UTRN: variants seen among roughly 807,000 people sequenced by gnomAD.
UTRN encodes utrophin, also known as dystrophin-related protein 1.
In UTRN, 283 loss-of-function variants were observed where a neutral mutation model predicts 463.9. The observed-to-expected ratio is 0.61, with a 90% CI of 0.55 to 0.67. UTRN has a LOEUF of 0.67. Among genes scored for constraint, UTRN ranks in the 30% least tolerant of loss-of-function variants. The pLI is 0.00. For synonymous variants in UTRN, 1,442 were observed against 1,431.5 expected, an observed-to-expected ratio of 1.01 and a Z score of -0.17; for missense variants, 3,922 against 4,084.3, an observed-to-expected ratio of 0.96 and a Z score of 1.08.
At chr6:144,323,842 C>G (rs1215168757) in intron 2 of UTRN, among the ~76,000 whole-genome samples, 1 of 152,206 alleles carries the variant, frequency 6.6e-6, no homozygotes, top group Non-Finnish European at 1.5e-5. Context: ...GCTGGAAAAT[C>G]TTACCTTTAT....
At position 144,462,698 on chromosome 6, in the gene UTRN, A is replaced by T. The variant is rs1323922390; in HGVS notation, c.2898A>T (p.Lys966Asn). Residue 966 changes from lysine to asparagine, a missense_variant, in exon 23 of 75, where the codon AAA becomes AAT. Transcript: ENST00000367545. ...ILENQKPALH[K>N]LAEETKALEK... ...AGAATCAGAAACCTGCATTACATAA[A>T]CTTGCAGAAGAAACAAAGGCTCTGG... is the stretch of plus-strand genomic sequence containing the variant. The T allele has an allele frequency of 6.2e-7, 1 of 1,607,318 alleles. No homozygotes were observed. The highest frequency in any genetic ancestry group is 1.3e-5 in the African/African-American group (1 of 74,444).
At chr6:144,811,466 A>G (rs1778605306) in intron 65 of UTRN, among the ~76,000 whole-genome samples, 1 of 152,146 alleles carries the variant, frequency 6.6e-6, no homozygotes, top group South Asian at 2.1e-4. Context: ...TTTTACCAGT[A>G]GGTCCAGTGC....
At chr6:144,794,826 T>C (rs1777069385) in intron 63 of UTRN, among the ~76,000 whole-genome samples, 1 of 152,218 alleles carries the variant, frequency 6.6e-6, no homozygotes, top group Non-Finnish European at 1.5e-5. Context: ...TCTTGCTGTT[T>C]CCTCATATGA....
intron 2 of UTRN, among the ~76,000 whole-genome samples, chr6:144,311,338 G>T (rs1265825272): frequency 6.6e-6 from 1 of 152,192 alleles, no homozygotes; most frequent in Non-Finnish European, 1.5e-5. Context: ...AGCAGAGTTT[G>T]GGGGGTGGGA....
At chr6:144,326,013 T>C (rs530268162) in intron 2 of UTRN, among the ~76,000 whole-genome samples, 282 of 146,004 alleles carry the variant, frequency 1.9e-3, no homozygotes, top group Non-Finnish European at 2.8e-3. Flanking sequence ...AATGTCTGAC[T>C]TGCAATCAGG....
At position 144,421,957 on chromosome 6, in the gene UTRN, C is replaced by T. The variant is rs767250054; in HGVS notation, c.221C>T (p.Thr74Ile). 6.2e-7 allele frequency: 1 copy of T among 1,611,170 alleles called. No homozygotes were observed. The highest frequency in any genetic ancestry group is 1.1e-5 in the South Asian group (1 of 90,598). The stretch of plus-strand genomic sequence containing the variant: ...CTATTGGATCTTCTAGAAGGCCTCA[C>T]AGGAACATCACTGGTGAGCAAGTCA... ...RKLLDLLEGL[T>I]GTSLPKERGS... Residue 74 changes from threonine to isoleucine, a missense_variant, in exon 4 of 75, where the codon ACA (threonine) becomes ATA (isoleucine). Physicochemically the swap from Thr to Ile is moderately conservative, Grantham distance 89. Coordinates refer to ENST00000367545, the MANE Select transcript of UTRN (RefSeq NM_007124.3).
rs1402095374 is a variant in UTRN, at chr6:144,474,585, GC to G, written c.3181-18del. 2 of 1,603,278 alleles carry G rather than the reference GC, an allele frequency of 1.2e-6. No individual in the cohort carries two copies. The highest frequency in any genetic ancestry group is 4.5e-5 in the East Asian group (2 of 44,736). On this transcript the variant is annotated intron_variant, in intron 24 of 74. Coordinates refer to ENST00000367545, the MANE Select transcript of UTRN (RefSeq NM_007124.3). ...ACTTATATAGTAATGAACTCAACAT[GC>G]ATCTTTTATGTGTTTAGGCATTTGT...
chr6:144,572,338 G>A (rs1801019805), intron 50 of UTRN, among the ~76,000 whole-genome samples: 1 of 152,020 alleles, frequency 6.6e-6, no homozygotes, highest in African/African-American at 2.4e-5. Flanking sequence ...AAAATGGTAT[G>A]TAGGAGTTAT....
chr6:144,408,115 T>C (rs1184335467), intron 3 of UTRN, among the ~76,000 whole-genome samples: 1 of 152,198 alleles, frequency 6.6e-6, no homozygotes, highest in Non-Finnish European at 1.5e-5. Context: ...TAGGAGATGA[T>C]AATTACTTAG....
chr6:144,708,728 C>T lies in UTRN; in HGVS notation c.7809+8485C>T, dbSNP rs1023486541. Among the ~76,000 whole-genome samples the T allele has an allele frequency of 2.6e-5, 4 of 152,266 alleles. No homozygotes were observed. The South Asian group carries it at 8.3e-4, about 32-fold the overall frequency. ...ACTTCTGTAACCCCAACTTTTCTCC[C>T]TTGGTGTTTTAGTCTGTCTTTTGCT... On this transcript the variant is annotated intron_variant, in intron 53 of 74. Coordinates refer to ENST00000367545, the MANE Select transcript of UTRN (RefSeq NM_007124.3).
chr6:144,751,145 G>C (rs1321058882), intron 55 of UTRN, among the ~76,000 whole-genome samples: 1 of 152,080 alleles, frequency 6.6e-6, no homozygotes, highest in Non-Finnish European at 1.5e-5. Flanking sequence ...TTAAAATCAA[G>C]TTGTTGCATT....
At chr6:144,782,583 T>A (rs1775932698) in intron 61 of UTRN, among the ~76,000 whole-genome samples, 1 of 151,762 alleles carries the variant, frequency 6.6e-6, no homozygotes, top group Non-Finnish European at 1.5e-5. Flanking sequence ...AACGAGGTAG[T>A]CTTTTAATAT....
chr6:144,734,542 G>T (rs1789145656), intron 54 of UTRN, among the ~76,000 whole-genome samples: 1 of 152,048 alleles, frequency 6.6e-6, no homozygotes, highest in Non-Finnish European at 1.5e-5. Flanking sequence ...CCGTCTTCTG[G>T]GTTGCTCGGG....
At chr6:144,593,372 C>CGTA (rs1399741315) in intron 51 of UTRN, among the ~76,000 whole-genome samples, 2 of 152,108 alleles carry the variant, frequency 1.3e-5, no homozygotes, top group African/African-American at 4.8e-5. Flanking sequence ...CCCCTAGGTA[C>CGTA]CCTTAGAGGC....
intron 74 of UTRN, among the ~76,000 whole-genome samples, chr6:144,847,385 CTGTTTTGTTTTGTTTTTT>C (rs149960512): frequency 0.044 from 6,636 of 152,028 alleles, 160 homozygotes; most frequent in South Asian, 0.083. Flanking sequence ...GATTTGTAGC[CTGTTTTGTTTTGTTTTTT>C]TGTTTTGTTT....
intron 51 of UTRN, among the ~76,000 whole-genome samples, chr6:144,650,690 C>T (rs955151968): frequency 2.2e-4 from 34 of 152,158 alleles, no homozygotes; most frequent in Non-Finnish European, 4.1e-4. Context: ...GCGGGCAGAT[C>T]ACAAGGTCAG....
chr6:144,623,163 G>C (rs1775602831), intron 51 of UTRN, among the ~76,000 whole-genome samples: 1 of 152,174 alleles, frequency 6.6e-6, no homozygotes, highest in Non-Finnish European at 1.5e-5. Flanking sequence ...AATTAGCTGT[G>C]TGAATTGGAT....
At chr6:144,807,214 C>A (rs1251384490) in intron 65 of UTRN, among the ~76,000 whole-genome samples, 2 of 152,000 alleles carry the variant, frequency 1.3e-5, no homozygotes, top group Non-Finnish European at 2.9e-5. Context: ...CTGAATGTTT[C>A]TATTTTTAAG....
At chr6:144,850,100 ATCAAATGT>A (rs1782359647) in intron 74 of UTRN, among the ~76,000 whole-genome samples, 1 of 152,176 alleles carries the variant, frequency 6.6e-6, no homozygotes, top group South Asian at 2.1e-4. Context: ...TAACATGGCA[ATCAAATGT>A]TCAAAATGGA....
Sources: allele counts gnomAD v4.1 joint callset (sites outside exome capture counted in the v4.1 genomes callset), GRCh38; gene constraint gnomAD v4.1.1; transcripts MANE v1.5; gene names NCBI Gene and HGNC (gene_info 2026-07-23, HGNC 2026-07-21).